Variants in RHEB observed in about 807,000 individuals in gnomAD.
RHEB encodes the protein Ras homolog, mTORC1 binding, also known as GTP-binding protein Rheb.
In RHEB, 2 loss-of-function variants were observed where a neutral mutation model predicts 28.8. That is an observed-to-expected ratio of 0.07 (90% CI 0.03 to 0.22). The LOEUF is 0.22. Among genes scored for constraint, RHEB ranks in the 10% least tolerant of loss-of-function variants. RHEB has a pLI of 1.00. For synonymous variants in RHEB, 69 were observed against 77.3 expected (o/e 0.89, Z 0.56); for missense variants, 76 against 219.9 (o/e 0.35, Z 4.14).
intron 1 of RHEB, among the ~76,000 whole-genome samples, chr7:151,495,270 AC>A (rs1456517522): frequency 1.3e-5 from 2 of 152,226 alleles, no homozygotes; most frequent in Non-Finnish European, 2.9e-5. Context: ...AGTAGCCCAT[AC>A]TCAGATGTGT....
chr7:151,484,249 CAA>C (rs1290866774), intron 3 of RHEB, among the ~76,000 whole-genome samples: 1 of 152,024 alleles, frequency 6.6e-6, no homozygotes, highest in African/African-American at 2.4e-5. Context: ...ACACATATCA[CAA>C]AGAGAAAGAA....
intron 1 of RHEB, among the ~76,000 whole-genome samples, chr7:151,508,544 G>A (rs895537445): frequency 6.6e-6 from 1 of 152,014 alleles, no homozygotes; most frequent in Non-Finnish European, 1.5e-5. Context: ...TGGACATACT[G>A]AGCTAAATTA....
At chr7:151,510,057 C>CT (rs1802955197) in intron 1 of RHEB, among the ~76,000 whole-genome samples, 2 of 152,132 alleles carry the variant, frequency 1.3e-5, no homozygotes, top group South Asian at 4.1e-4. Flanking sequence ...AGGAAAAAGT[C>CT]TAAAACTTTT....
At chr7:151,507,685 T>TA (rs931426593) in intron 1 of RHEB, among the ~76,000 whole-genome samples, 14 of 151,656 alleles carry the variant, frequency 9.2e-5, no homozygotes, top group Admixed American at 2.6e-4. Flanking sequence ...TGGGAGATTT[T>TA]AAAAAAAAGA....
At chr7:151,517,888 T>TA (rs1051974233) in intron 1 of RHEB, 1 of 152,148 alleles carries the variant, frequency 6.6e-6, no homozygotes. Flanking sequence ...AATAAGTACT[T>TA]ACTTGACTGA....
At chr7:151,493,208 C>G (rs188973738) in intron 1 of RHEB, among the ~76,000 whole-genome samples, 69 of 152,226 alleles carry the variant, frequency 4.5e-4, no homozygotes, top group Non-Finnish European at 8.5e-4. Context: ...CCACTCTGAC[C>G]TCATCCGCCA....
At chr7:151,516,797 G>GT (rs749111998) in intron 1 of RHEB, among the ~76,000 whole-genome samples, 2 of 152,052 alleles carry the variant, frequency 1.3e-5, no homozygotes, top group African/African-American at 2.4e-5. Flanking sequence ...TCTAAGAAAG[G>GT]TGTGGAGGCT....
At chr7:151,479,118 G>T (rs1395064589) in intron 3 of RHEB, among the ~76,000 whole-genome samples, 2 of 152,148 alleles carry the variant, frequency 1.3e-5, no homozygotes. Flanking sequence ...ATACTGTACT[G>T]GCTCACAAAC....
intron 3 of RHEB, among the ~76,000 whole-genome samples, chr7:151,482,009 A>C (rs540327261): frequency 6.6e-6 from 1 of 152,356 alleles, no homozygotes; most frequent in Admixed American, 6.5e-5. Flanking sequence ...AGTCAGTATA[A>C]AGAAATTTAT....
intron 3 of RHEB, among the ~76,000 whole-genome samples, chr7:151,482,328 T>C (rs1000748192): frequency 2.0e-5 from 3 of 152,188 alleles, no homozygotes; most frequent in Non-Finnish European, 4.4e-5. Flanking sequence ...CACTGCAACC[T>C]CAAACTCCTG....
chr7:151,480,208 G>A (rs531005409), intron 3 of RHEB, among the ~76,000 whole-genome samples: 4 of 152,160 alleles, frequency 2.6e-5, no homozygotes, highest in African/African-American at 4.8e-5. Flanking sequence ...AACAACGTCC[G>A]GGATGTTCAT....
At chr7:151,474,186 G>GTT (rs5888440) in intron 4 of RHEB, among the ~76,000 whole-genome samples, 1 of 148,844 alleles carries the variant, frequency 6.7e-6, no homozygotes. Flanking sequence ...TTGTTTTTTT[G>GTT]TTTTTTTTTT....
chr7:151,504,018 T>C (rs1466030070), intron 1 of RHEB, among the ~76,000 whole-genome samples: 1 of 152,134 alleles, frequency 6.6e-6, no homozygotes, highest in Non-Finnish European at 1.5e-5. Context: ...GGTGAGCTAA[T>C]AGGAGGCAAT....
intron 1 of RHEB, 53 bp downstream of exon 1, chr7:151,519,407 C>A: frequency 7.6e-7 from 1 of 1,310,954 alleles, no homozygotes. Context: ...CGACCCGGCT[C>A]CCAGGCGAGG....
intron 1 of RHEB, among the ~76,000 whole-genome samples, chr7:151,499,144 A>G (rs1426193900): frequency 6.6e-6 from 1 of 152,174 alleles, no homozygotes; most frequent in Non-Finnish European, 1.5e-5. Context: ...AGGCGGGTGG[A>G]CTGACTGAGC....
chr7:151,518,457 T>C (rs775468606), intron 1 of RHEB, among the ~76,000 whole-genome samples: 7 of 152,150 alleles, frequency 4.6e-5, no homozygotes, highest in African/African-American at 7.2e-5. Context: ...ACGCCTTCTA[T>C]AGACAGTTAC....
chr7:151,502,416 T>C, intron 1 of RHEB: 3 of 806,640 alleles, frequency 3.7e-6, no homozygotes, highest in South Asian at 1.4e-5. Context: ...ATTACATCTA[T>C]ACAACAAAGG....
Position 151,466,026 on chromosome 7 carries a change from A to G in RHEB, c.*1093T>C, listed in dbSNP as rs893777438. 5 of 152,254 alleles carry G rather than the reference A, an allele frequency of 3.3e-5. No homozygotes were observed. The highest frequency in any genetic ancestry group is 2.6e-4 in the Admixed American group (4 of 15,286). 9.4% of individuals were successfully genotyped at this position (152,254 alleles called of 1,614,324 possible). On this transcript the variant is annotated 3_prime_UTR_variant, in exon 8 of 8. Coordinates refer to ENST00000262187, the MANE Select transcript of RHEB (RefSeq NM_005614.4). Reference sequence around the variant, plus strand: ...TAACAATCAACTGCAAAGCAAAACTATATTTTATTAATAAAGTCAATGGTA... The same window carrying G: ...TAACAATCAACTGCAAAGCAAAACTGTATTTTATTAATAAAGTCAATGGTA...
chr7:151,503,154 T>G (rs1284680486), intron 1 of RHEB: 5 of 792,574 alleles, frequency 6.3e-6, no homozygotes, highest in East Asian at 4.8e-5. Flanking sequence ...AGATATGTTC[T>G]TTATTGCCAA....
Sources: allele counts gnomAD v4.1 joint callset (sites outside exome capture counted in the v4.1 genomes callset), GRCh38; gene constraint gnomAD v4.1.1; transcripts MANE v1.5; gene names NCBI Gene and HGNC (gene_info 2026-07-23, HGNC 2026-07-21).